The following KIAA1549L variants were observed in gnomAD, a reference collection of about 807,000 sequenced individuals.
KIAA1549L encodes UPF0606 protein KIAA1549L.
KIAA1549L carries 88 observed loss-of-function variants against 160.7 expected under a neutral mutation model. The observed-to-expected ratio is 0.55, with a 90% confidence interval of 0.46 to 0.65. KIAA1549L has a LOEUF of 0.65. KIAA1549L is among the 30% of genes least tolerant of loss of function. The pLI, the probability that KIAA1549L is intolerant of heterozygous loss-of-function variation, is 0.00. For synonymous variants in KIAA1549L, 950 were observed against 976.7 expected (o/e 0.97, Z 0.51); for missense variants, 2,258 against 2,437.5 (o/e 0.93, Z 1.55).
At chr11:33,603,705 C>T (rs185187534) in intron 13 of KIAA1549L, among the ~76,000 whole-genome samples, 62 of 152,006 alleles carry the variant, frequency 4.1e-4, no homozygotes, top group African/African-American at 1.4e-3. Flanking sequence ...ACTCGGGAGG[C>T]TGAGGCAGGA....
At chr11:33,524,594 A>G (rs1853571823) in intron 1 of KIAA1549L, among the ~76,000 whole-genome samples, 1 of 152,294 alleles carries the variant, frequency 6.6e-6, no homozygotes, top group East Asian at 1.9e-4. Context: ...TTCAGTCTAT[A>G]AATTTTCCTC....
intron 14 of KIAA1549L, among the ~76,000 whole-genome samples, chr11:33,607,033 A>G (rs1463758934): frequency 6.6e-6 from 1 of 152,190 alleles, no homozygotes; most frequent in Non-Finnish European, 1.5e-5. Flanking sequence ...AGCACTTCCT[A>G]TGTTCATTAA....
chr11:33,557,692 GC>G (rs1854694729), intron 6 of KIAA1549L, among the ~76,000 whole-genome samples: 1 of 152,186 alleles, frequency 6.6e-6, no homozygotes, highest in East Asian at 1.9e-4. Flanking sequence ...TTTGAGACTA[GC>G]CTGGGCAACA....
chr11:33,471,140 A>G (rs770864245), intron 1 of KIAA1549L, among the ~76,000 whole-genome samples: 2 of 152,004 alleles, frequency 1.3e-5, no homozygotes, highest in African/African-American at 2.4e-5. Context: ...ATTCATAGTG[A>G]AATCTTTTTG....
At chr11:33,587,841 T>C (rs1479887321) in intron 11 of KIAA1549L, among the ~76,000 whole-genome samples, 1 of 152,194 alleles carries the variant, frequency 6.6e-6, no homozygotes, top group Non-Finnish European at 1.5e-5. Flanking sequence ...TCTTAGCTGC[T>C]GTTGGAGCCT....
chr11:33,630,648 G>GT (rs1406093142), intron 16 of KIAA1549L, among the ~76,000 whole-genome samples: 1 of 152,240 alleles, frequency 6.6e-6, no homozygotes, highest in Non-Finnish European at 1.5e-5. Flanking sequence ...CTCATGCATG[G>GT]TGCGTGCACC....
intron 1 of KIAA1549L, among the ~76,000 whole-genome samples, chr11:33,377,114 C>T (rs1322997292): frequency 6.6e-6 from 1 of 152,146 alleles, no homozygotes; most frequent in Non-Finnish European, 1.5e-5. Flanking sequence ...AGTTGTAGAA[C>T]CTTCCTAGTG....
intron 1 of KIAA1549L, among the ~76,000 whole-genome samples, chr11:33,404,454 G>C (rs569437561): frequency 3.3e-5 from 5 of 152,092 alleles, no homozygotes; most frequent in Non-Finnish European, 5.9e-5. Flanking sequence ...AACCCAGGAG[G>C]GGGAGGTTGT....
intron 1 of KIAA1549L, among the ~76,000 whole-genome samples, chr11:33,433,349 C>T (rs369622196): frequency 2.0e-5 from 3 of 152,172 alleles, no homozygotes; most frequent in South Asian, 2.1e-4. Flanking sequence ...AAAGGCTCAA[C>T]GTCACTGATC....
intron 12 of KIAA1549L, among the ~76,000 whole-genome samples, chr11:33,594,956 T>A (rs1850160078): frequency 6.6e-6 from 1 of 152,358 alleles, no homozygotes; most frequent in East Asian, 1.9e-4. Flanking sequence ...TAGAGGACAC[T>A]GAAAATAAAT....
intron 1 of KIAA1549L, among the ~76,000 whole-genome samples, chr11:33,432,990 A>C (rs891102731): frequency 3.9e-5 from 6 of 152,212 alleles, no homozygotes; most frequent in Admixed American, 6.5e-5. Flanking sequence ...CCTAGAAGAA[A>C]ACCTAGGCAA....
chr11:33,386,493 C>T (rs571818594), intron 1 of KIAA1549L, among the ~76,000 whole-genome samples: 3 of 151,758 alleles, frequency 2.0e-5, no homozygotes, highest in Non-Finnish European at 4.4e-5. Flanking sequence ...CCAGCCTGGC[C>T]AACATGGTGA....
chr11:33,378,833 C>G (rs1208403361), intron 1 of KIAA1549L, among the ~76,000 whole-genome samples: 1 of 152,098 alleles, frequency 6.6e-6, no homozygotes, highest in African/African-American at 2.4e-5. Flanking sequence ...TACCTCCTAT[C>G]TGCTCTCATT....
At chr11:33,388,418 C>T (rs1850214510) in intron 1 of KIAA1549L, among the ~76,000 whole-genome samples, 1 of 152,144 alleles carries the variant, frequency 6.6e-6, no homozygotes, top group South Asian at 2.1e-4. Flanking sequence ...ATGGGAACTA[C>T]AATTCAAGGT....
At chr11:33,522,110 T>C (rs1189255853) in intron 1 of KIAA1549L, among the ~76,000 whole-genome samples, 2 of 152,214 alleles carry the variant, frequency 1.3e-5, no homozygotes, top group African/African-American at 4.8e-5. Flanking sequence ...AAACTATAAA[T>C]GAAAATTATT....
chr11:33,584,107 A>T (rs1363797721), intron 11 of KIAA1549L, among the ~76,000 whole-genome samples: 1 of 152,232 alleles, frequency 6.6e-6, no homozygotes, highest in Non-Finnish European at 1.5e-5. Context: ...TGAAGACACA[A>T]GACATTGGCA....
chr11:33,630,172 G>T (rs558406036), intron 16 of KIAA1549L, among the ~76,000 whole-genome samples: 1 of 151,952 alleles, frequency 6.6e-6, no homozygotes, highest in East Asian at 1.9e-4. Context: ...GAGGACCACA[G>T]CTCTCTTCAA....
chr11:33,465,713 C>T (rs777792507), intron 1 of KIAA1549L, among the ~76,000 whole-genome samples: 8 of 152,204 alleles, frequency 5.3e-5, no homozygotes, highest in South Asian at 2.1e-4. Context: ...ATCGGATCTT[C>T]GACAAACCTG....
intron 1 of KIAA1549L, among the ~76,000 whole-genome samples, chr11:33,398,950 G>GTTTTTTTTTTTTTTTTTTTTTT (rs71034680): frequency 1.4e-5 from 2 of 140,014 alleles, no homozygotes. Context: ...TCCAGTGAGT[G>GTTTTTTTTTTTTTTTTTTTTTT]TTTTTTTTTT....
Sources: allele counts gnomAD v4.1 joint callset (sites outside exome capture counted in the v4.1 genomes callset), GRCh38; gene constraint gnomAD v4.1.1; transcripts MANE v1.5; gene names NCBI Gene and HGNC (gene_info 2026-07-23, HGNC 2026-07-21).